Variants in RIPK2 observed in about 807,000 individuals in gnomAD.
RIPK2 encodes receptor interacting serine/threonine kinase 2.
RIPK2 carries 38 observed loss-of-function variants against 60.9 expected under a neutral mutation model. The observed-to-expected ratio is 0.62, with a 90% CI of 0.48 to 0.82. The LOEUF is 0.82. Among genes scored for constraint, RIPK2 ranks in the 40% least tolerant of loss-of-function variants. The pLI is 0.00. For missense variants in RIPK2, 518 were observed against 647.0 expected (o/e 0.80, Z 2.16); for synonymous variants, 225 against 223.4 (o/e 1.01, Z -0.06).
chr8:89,786,663 C>T lies in RIPK2; in HGVS notation c.1100C>T (p.Pro367Leu). Reference sequence around the variant, plus strand: ...GAAACTTCAAGGTCCCTGCCAGCTCCTCAAGACAATGATTTTTTATCTAGT... The same window carrying T: ...GAAACTTCAAGGTCCCTGCCAGCTCTTCAAGACAATGATTTTTTATCTAGT... ...SPETSRSLPA[P>L]QDNDFLSRKA... Residue 367 changes from proline (P) to leucine (L), a missense_variant, in exon 9 of 11, where the codon CCT (proline) becomes CTT (leucine). Pro to Leu is a moderately conservative substitution (Grantham distance 98, BLOSUM62 -3). This residue lies in a region of RIPK2 where 448 missense variants were observed against 534.7 expected (regional missense o/e 0.84). Coordinates refer to ENST00000220751, the MANE Select transcript of RIPK2 (RefSeq NM_003821.6). The T allele has an allele frequency of 6.3e-7, 1 of 1,585,566 alleles. No homozygotes were observed. The highest frequency in any genetic ancestry group is 1.1e-5 in the South Asian group (1 of 89,286).
intron 7 of RIPK2, among the ~76,000 whole-genome samples, chr8:89,782,008 T>C (rs927398641): frequency 6.6e-6 from 1 of 151,970 alleles, no homozygotes; most frequent in African/African-American, 2.4e-5. Flanking sequence ...ACAAAAAATA[T>C]AGCTGGGTGT....
rs1340315168 is a variant in RIPK2 at position 89,758,111 on chromosome 8, A to G, written c.51A>G (p.Lys17=). The part of the protein sequence containing the change: ...CSALPTIPYH[K]LADLRYLSRG... Reference sequence around the variant, plus strand: ...CCCTGCCCACCATTCCCTACCACAAACTCGCCGACCTGCGCTACCTGAGCC... The same window carrying G: ...CCCTGCCCACCATTCCCTACCACAAGCTCGCCGACCTGCGCTACCTGAGCC... The change falls in exon 1 of 11, where the codon AAA becomes AAG. Residue 17 remains lysine (K), a synonymous_variant. Transcript: ENST00000220751. The G allele has an allele frequency of 6.2e-7, 1 of 1,606,582 alleles. No individual in the cohort carries two copies. Among genetic ancestry groups the G allele is most frequent in the Admixed American group, 1.7e-5 (1 of 59,350 alleles).
At chr8:89,758,934 CATT>C (rs1220374496) in intron 1 of RIPK2, among the ~76,000 whole-genome samples, 1 of 152,084 alleles carries the variant, frequency 6.6e-6, no homozygotes, top group Non-Finnish European at 1.5e-5. Flanking sequence ...GTGGTGTTCA[CATT>C]ATATGTTTAT....
chr8:89,764,790 G>A (rs1809199494), intron 2 of RIPK2, among the ~76,000 whole-genome samples: 1 of 152,030 alleles, frequency 6.6e-6, no homozygotes, highest in African/African-American at 2.4e-5. Flanking sequence ...ATGATTAAAT[G>A]TATGATAAAT....
chr8:89,762,048 C>T (rs1255991930), intron 1 of RIPK2, among the ~76,000 whole-genome samples: 1 of 151,678 alleles, frequency 6.6e-6, no homozygotes, highest in Non-Finnish European at 1.5e-5. Flanking sequence ...AAAATAGGCA[C>T]GGTTGCATGC....
chr8:89,782,457 G>A (rs1444924863), intron 7 of RIPK2, among the ~76,000 whole-genome samples: 1 of 152,136 alleles, frequency 6.6e-6, no homozygotes, highest in African/African-American at 2.4e-5. Context: ...ATCTCACACA[G>A]TAAGCTAATG....
chr8:89,763,233 A>T (rs1220007864), intron 2 of RIPK2, among the ~76,000 whole-genome samples: 3 of 152,194 alleles, frequency 2.0e-5, no homozygotes, highest in Non-Finnish European at 4.4e-5. Flanking sequence ...ACCAAATTAT[A>T]GTATTTACAT....
intron 3 of RIPK2, among the ~76,000 whole-genome samples, chr8:89,765,757 T>A (rs948882193): frequency 2.0e-5 from 3 of 149,918 alleles, no homozygotes; most frequent in African/African-American, 7.3e-5. Context: ...AAGATCACCT[T>A]TTTTTTTTAC....
intron 9 of RIPK2, among the ~76,000 whole-genome samples, chr8:89,788,199 C>T (rs1013931748): frequency 2.0e-5 from 3 of 150,938 alleles, no homozygotes; most frequent in South Asian, 2.1e-4. Context: ...AAAAAATTAG[C>T]GGGTATGGTG....
intron 2 of RIPK2, among the ~76,000 whole-genome samples, chr8:89,763,465 A>G (rs1353606028): frequency 6.6e-6 from 1 of 152,108 alleles, no homozygotes; most frequent in Non-Finnish European, 1.5e-5. Flanking sequence ...TCAGCCATTT[A>G]CCCTTTTTCC....
At position 89,762,814 on chromosome 8, in the gene RIPK2, A is replaced by ATTTTT; in HGVS notation, c.174-10_174-6dup. 1 of 1,267,602 alleles carries ATTTTT rather than the reference A, an allele frequency of 7.9e-7. No individual in the cohort carries two copies. Among genetic ancestry groups the ATTTTT allele is most frequent in the Non-Finnish European group, 1.1e-6 (1 of 941,880 alleles). The allele number at this position is 1,267,602 out of a possible 1,614,324, so 78.5% of individuals were successfully genotyped here. A position where few individuals can be genotyped will look rare whatever the true frequency, so the allele number is the denominator to read the frequency against. ...TTTTTTATTACTTGAATAATTATGC[A>ATTTTT]TTTTTTTTTCTTAGTGAAAGAAAGG... On this transcript the variant is annotated splice_polypyrimidine_tract_variant and intron_variant, in intron 1 of 10. Transcript: ENST00000220751.
intron 8 of RIPK2, among the ~76,000 whole-genome samples, chr8:89,784,473 G>C (rs1197777880): frequency 6.6e-6 from 1 of 152,170 alleles, no homozygotes; most frequent in Non-Finnish European, 1.5e-5. Flanking sequence ...ATGCTACCTT[G>C]TTCTTACCTC....
At chr8:89,781,354 A>ATTTTTTTTCTTTCTTT (rs1554598658) in intron 7 of RIPK2, among the ~76,000 whole-genome samples, 1 of 143,962 alleles carries the variant, frequency 6.9e-6, no homozygotes, top group African/African-American at 2.6e-5. Context: ...AATAGATTGA[A>ATTTTTTTTCTTTCTTT]TTTTTTTTTT....
chr8:89,763,023 T>A, intron 2 of RIPK2, 41 bp downstream of exon 2: 1 of 1,246,736 alleles, frequency 8.0e-7, no homozygotes. Context: ...TTGCCATTTT[T>A]ACTATTCAAA....
At chr8:89,780,008 T>C (rs1454034597) in intron 6 of RIPK2, 67 bp from the exon 7 acceptor site, 2 of 766,092 alleles carry the variant, frequency 2.6e-6, no homozygotes, top group Non-Finnish European at 4.3e-6. Flanking sequence ...GTACATTAAA[T>C]GTTAGCATTT....
rs42490 is a variant in RIPK2 at position 89,766,285 on chromosome 8, G to A, written c.483+789G>A. Among the ~76,000 whole-genome samples, 90,713 of 151,632 alleles carry A rather than the reference G, an allele frequency of 0.6. 27,677 individuals carry two copies. Among genetic ancestry groups the A allele is most frequent in the African/African-American group, 0.7 (28,936 of 41,414 alleles). ...TGGGGTAATTATTTACAAAGCTGCT[G>A]TGAACAAAGCTGTACAGGTTTATGA... On this transcript the variant is annotated intron_variant, in intron 3 of 10. Coordinates refer to ENST00000220751, the MANE Select transcript of RIPK2 (RefSeq NM_003821.6).
At chr8:89,766,295 C>T (rs1199121614) in intron 3 of RIPK2, among the ~76,000 whole-genome samples, 1 of 151,792 alleles carries the variant, frequency 6.6e-6, no homozygotes, top group African/African-American at 2.4e-5. Context: ...GTGAACAAAG[C>T]TGTACAGGTT....
intron 5 of RIPK2, 73 bp from the exon 6 acceptor site, chr8:89,772,590 TTTAG>T: frequency 1.9e-6 from 2 of 1,049,542 alleles, no homozygotes; most frequent in Non-Finnish European, 2.7e-6. Flanking sequence ...CTTATTTTCT[TTTAG>T]TTAGTTTTAG....
intron 9 of RIPK2, among the ~76,000 whole-genome samples, chr8:89,787,142 C>T (rs932805737): frequency 3.3e-5 from 5 of 151,912 alleles, no homozygotes; most frequent in African/African-American, 1.2e-4. Flanking sequence ...CCATCCTGGG[C>T]GACAGAGTGA....
Sources: allele counts gnomAD v4.1 joint callset (sites outside exome capture counted in the v4.1 genomes callset), GRCh38; gene constraint gnomAD v4.1.1; regional missense constraint gnomAD v4.1.1; transcripts MANE v1.5; gene names NCBI Gene and HGNC (gene_info 2026-07-23, HGNC 2026-07-21).